ANKRD30B: variants seen among roughly 807,000 people sequenced by gnomAD.
ANKRD30B encodes the protein ankyrin repeat domain-containing protein 30B.
Under a neutral mutation model 202.2 loss-of-function variants are expected in ANKRD30B, and 144 were observed. The ratio of observed to expected loss-of-function variants is 0.71; its 90% confidence interval spans 0.62 to 0.82. The LOEUF is 0.82. ANKRD30B is among the 40% of genes least tolerant of loss of function. The pLI is 0.00. For synonymous variants in ANKRD30B, 508 were observed against 561.3 expected (o/e 0.91, Z 1.34); for missense variants, 1,487 against 1,669.1 (o/e 0.89, Z 1.90).
intron 16 of ANKRD30B, among the ~76,000 whole-genome samples, chr18:14,793,350 A>G (rs1968652100): frequency 6.6e-6 from 1 of 152,212 alleles, no homozygotes; most frequent in South Asian, 2.1e-4. Flanking sequence ...TAATGTAATG[A>G]TACAAATTAT....
chr18:14,936,423 G>A, the ANKRD30B span, among the ~76,000 whole-genome samples: 14 of 151,762 alleles, frequency 9.2e-5, no homozygotes, highest in East Asian at 5.8e-4. Context: ...CTCCACAAAC[G>A]CATCCTAAGC....
the ANKRD30B span, among the ~76,000 whole-genome samples, chr18:14,870,051 G>A: frequency 6.6e-6 from 1 of 152,192 alleles, no homozygotes; most frequent in African/African-American, 2.4e-5. Flanking sequence ...GATCATGCCG[G>A]TCTCGAACTC....
At chr18:14,870,680 A>C in the ANKRD30B span, among the ~76,000 whole-genome samples, 1 of 152,132 alleles carries the variant, frequency 6.6e-6, no homozygotes, top group Non-Finnish European at 1.5e-5. Flanking sequence ...TCAGCCAATC[A>C]GGCAAGCCAG....
the ANKRD30B span, among the ~76,000 whole-genome samples, chr18:14,865,680 C>T: frequency 2.6e-5 from 4 of 151,012 alleles, no homozygotes; most frequent in African/African-American, 4.9e-5. Context: ...GCTCACCATC[C>T]TTTTTTCCTT....
chr18:14,794,719 T>C (rs1172413306), intron 16 of ANKRD30B, among the ~76,000 whole-genome samples: 3 of 152,204 alleles, frequency 2.0e-5, no homozygotes, highest in African/African-American at 7.2e-5. Context: ...AACACGGTCA[T>C]GCATATTTAG....
chr18:14,915,547 C>T, the ANKRD30B span: 1 of 152,142 alleles, frequency 6.6e-6, no homozygotes, highest in Admixed American at 6.5e-5. Flanking sequence ...TAGGCATTGC[C>T]ATGTAGACGC....
the ANKRD30B span, among the ~76,000 whole-genome samples, chr18:14,902,189 C>G: frequency 6.6e-6 from 1 of 152,146 alleles, no homozygotes; most frequent in Non-Finnish European, 1.5e-5. Context: ...GCCACCCCCT[C>G]CCCACAACAT....
chr18:14,850,865 G>A (rs1971853619), intron 41 of ANKRD30B, among the ~76,000 whole-genome samples: 1 of 151,822 alleles, frequency 6.6e-6, no homozygotes, highest in Admixed American at 6.6e-5. Flanking sequence ...ATTTGGTGGA[G>A]AAGTCCTGGA....
At chr18:14,923,203 CTTCAGGTCTCTGAT>C in the ANKRD30B span, among the ~76,000 whole-genome samples, 3 of 152,316 alleles carry the variant, frequency 2.0e-5, no homozygotes, top group Non-Finnish European at 4.4e-5. Context: ...CAAATGGGCT[CTTCAGGTCTCTGAT>C]TTCAGGCCTT....
chr18:14,808,779 A>G (rs553937578), intron 26 of ANKRD30B, 35 bp downstream of exon 26: 1 of 1,413,850 alleles, frequency 7.1e-7, no homozygotes, highest in African/African-American at 1.5e-5. Context: ...ATCTGGAATT[A>G]AGAATATTAA....
At chr18:14,808,355 T>A in intron 24 of ANKRD30B, 196 bp from the exon 25 acceptor site, 1 of 627,470 alleles carries the variant, frequency 1.6e-6, no homozygotes, top group South Asian at 1.6e-5. Context: ...TGAAATTTAT[T>A]TTTTAAATTT....
the ANKRD30B span, among the ~76,000 whole-genome samples, chr18:14,896,668 C>T: frequency 6.9e-6 from 1 of 145,376 alleles, no homozygotes; most frequent in Non-Finnish European, 1.5e-5. Flanking sequence ...TGGATAACTT[C>T]TTTTTGTGAA....
Position 14,779,967 on chromosome 18 carries a change from G to A in ANKRD30B, c.1428G>A (p.Met476Ile). 1.2e-6 allele frequency: 2 copies of A among 1,601,430 alleles called. No homozygotes were observed. The highest frequency in any genetic ancestry group is 1.7e-6 in the Non-Finnish European group (2 of 1,170,146). The stretch of plus-strand genomic sequence containing the variant: ...TGTGATTAACATTTTTAGATCAGAT[G>A]TTCCCATCAGAATCCAAACGAGAGG... ...KTINHKIEDQ[M>I]FPSESKREED... Residue 476 changes from methionine (M) to isoleucine (I), a missense_variant, in exon 11 of 44, where the codon ATG becomes ATA. By Grantham distance (10) the Met-to-Ile change is conservative (BLOSUM62 1). Coordinates refer to ENST00000690538, the MANE Select transcript of ANKRD30B (RefSeq NM_001367607.2).
Position 14,824,110 on chromosome 18 carries a change from C to T in ANKRD30B, c.2743+1433C>T, listed in dbSNP as rs1429189764. Among the ~76,000 whole-genome samples the T allele has an allele frequency of 5.3e-5, 8 of 150,520 alleles. No individual in the cohort carries two copies. In the South Asian group the frequency reaches 1.0e-3, roughly 20 times the overall value. ...ACTGTACATATTATTTTGGAACTTC[C>T]TTTTTTTTTACTTATCTTATATTTT... On this transcript the variant is annotated intron_variant, in intron 32 of 43. Coordinates refer to ENST00000690538, the MANE Select transcript of ANKRD30B (RefSeq NM_001367607.2).
At chr18:14,831,093 G>A (rs1184817203) in intron 33 of ANKRD30B, among the ~76,000 whole-genome samples, 2 of 149,166 alleles carry the variant, frequency 1.3e-5, no homozygotes, top group African/African-American at 2.5e-5. Flanking sequence ...GCAGGAGAAT[G>A]GCATGAACCC....
At chr18:14,837,586 T>C (rs1434003518) in intron 35 of ANKRD30B, 29 bp from the exon 36 acceptor site, 4 of 1,459,572 alleles carry the variant, frequency 2.7e-6, no homozygotes, top group Non-Finnish European at 3.7e-6. Context: ...AACATTCTCA[T>C]ATACATGTCT....
At chr18:14,853,303 G>T (rs1971962341) in intron 42 of ANKRD30B, among the ~76,000 whole-genome samples, 1 of 152,154 alleles carries the variant, frequency 6.6e-6, no homozygotes, top group South Asian at 2.1e-4. Context: ...TAGTACAAAA[G>T]AAGTGAGTAG....
chr18:14,783,014 A>G (rs144879536), intron 12 of ANKRD30B, among the ~76,000 whole-genome samples: 1,797 of 152,282 alleles, frequency 0.012, 16 homozygotes, highest in Non-Finnish European at 0.017. Context: ...GAAAGATGGC[A>G]AGAATATAAA....
the ANKRD30B span, among the ~76,000 whole-genome samples, chr18:14,902,265 AG>A: frequency 6.6e-6 from 1 of 152,128 alleles, no homozygotes; most frequent in African/African-American, 2.4e-5. Flanking sequence ...CCATATTACA[AG>A]GTTTATAGGC....
Sources: allele counts gnomAD v4.1 joint callset (sites outside exome capture counted in the v4.1 genomes callset), GRCh38; gene constraint gnomAD v4.1.1; transcripts MANE v1.5; gene names NCBI Gene and HGNC (gene_info 2026-07-23, HGNC 2026-07-21).